C15orf40: variants seen among roughly 807,000 people sequenced by gnomAD.
C15orf40 encodes the protein chromosome 15 open reading frame 40.
Under a neutral mutation model 13.9 loss-of-function variants are expected in C15orf40, and 9 were observed. The ratio of observed to expected loss-of-function variants is 0.65; its 90% CI spans 0.39 to 1.13. The LOEUF (loss-of-function observed/expected upper bound fraction) is 1.13, where lower values mean the gene tolerates loss of function less well. Ranked by LOEUF, C15orf40 falls within the 50% of genes most tolerant of loss-of-function variation. The pLI is 0.01. For synonymous variants in C15orf40, 95 were observed against 69.2 expected, an observed-to-expected ratio of 1.37 and a Z score of -1.85; for missense variants, 225 against 188.5, an observed-to-expected ratio of 1.19 and a Z score of -1.13.
chr15:83,006,706 C>G (rs965498986), intron 3 of C15orf40, among the ~76,000 whole-genome samples: 13 of 152,198 alleles, frequency 8.5e-5, no homozygotes, highest in African/African-American at 1.2e-4. Context: ...GCGGATGTTG[C>G]AGTGAGCCGA....
rs1243219973 is a variant in C15orf40 at position 82,997,351 on chromosome 15, C to T, written c.*8246G>A. 2 of 146,394 alleles carry T rather than the reference C, an allele frequency of 1.4e-5. No individual in the cohort carries two copies. The highest frequency in any genetic ancestry group is 3.0e-5 in the Non-Finnish European group (2 of 67,064). 9.1% of individuals were successfully genotyped at this position (146,394 alleles called of 1,614,324 possible). On this transcript the variant is annotated 3_prime_UTR_variant, in exon 4 of 4. Transcript: ENST00000304177. Reference sequence around the variant, plus strand: ...TTTCCTAGGCAGAGGACCCTGCGGCCTTCCGCAGTGTTTGTGTCCCTGATT... The same window carrying T: ...TTTCCTAGGCAGAGGACCCTGCGGCTTTCCGCAGTGTTTGTGTCCCTGATT...
At chr15:82,992,059 T>C (rs988323972), downstream of C15orf40, 2 of 513,866 alleles carry the variant, frequency 3.9e-6, no homozygotes, top group Non-Finnish European at 6.8e-6. Flanking sequence ...CTACAGAAAA[T>C]TTTAAAATTA....
downstream of C15orf40, among the ~76,000 whole-genome samples, chr15:82,992,435 G>C (rs1204704702): frequency 6.6e-6 from 1 of 151,942 alleles, no homozygotes; most frequent in Non-Finnish European, 1.5e-5. Flanking sequence ...AGAATCACTT[G>C]AACCTGGGAG....
chr15:83,004,759 C>A lies in C15orf40; in HGVS notation c.*838G>T. On this transcript the variant is annotated 3_prime_UTR_variant, in exon 4 of 4. Transcript: ENST00000304177. ...AAAATTTTTTTTACATTTAAATAAG[C>A]ATTTAAAAATCTAAGGTAAGACTAC... 2 of 1,023,192 alleles carry A rather than the reference C, an allele frequency of 2.0e-6. No individual in the cohort carries two copies. Among genetic ancestry groups the A allele is most frequent in the Non-Finnish European group, 1.2e-6 (1 of 842,434 alleles). The allele number at this position is 1,023,192 out of a possible 1,614,324, so 63.4% of individuals were successfully genotyped here.
At chr15:82,990,080 C>T (rs199995569), downstream of C15orf40, 38,374 of 1,255,134 alleles carry the variant, frequency 0.031, 720 homozygotes, top group Middle Eastern at 0.04. Flanking sequence ...GAAATGTTGG[C>T]AGCTTTTAGT....
In C15orf40 at chr15:83,008,178, C is replaced by T. The variant is rs539758384; in HGVS notation, c.366+370G>A. ...CTGCACTCCAGGCTGGACAACAGAG[C>T]GAGACTCCGTCTCAAAAAAAAAAAG... On this transcript the variant is annotated intron_variant, in intron 3 of 3. Coordinates refer to ENST00000304177, the MANE Select transcript of C15orf40 (RefSeq NM_144597.3). 8.4e-4 allele frequency: 190 copies of T among 227,406 alleles called. 2 individuals are homozygous for T. The highest frequency in any genetic ancestry group is 7.5e-3 in the Middle Eastern group (4 of 532). 14.1% of individuals were successfully genotyped at this position (227,406 alleles called of 1,614,324 possible).
At chr15:82,993,601 C>G (rs1417536765), downstream of C15orf40, among the ~76,000 whole-genome samples, 3 of 152,082 alleles carry the variant, frequency 2.0e-5, no homozygotes, top group African/African-American at 4.8e-5. Flanking sequence ...CATCTGAGGT[C>G]AGGAGTTCGA....
In C15orf40 at chr15:83,008,584, G is replaced by C; in HGVS notation, c.330C>G (p.Val110=). ...NAELCRYLSK[V]LELRKSDVVL... Reference sequence around the variant, plus strand: ...CCACATCACTCTTCCTGAGTTCTAGGACCTTGGAAAGATACCGACAGAGCT... The same window carrying C: ...CCACATCACTCTTCCTGAGTTCTAGCACCTTGGAAAGATACCGACAGAGCT... Residue 110 remains valine (V), a synonymous_variant, in exon 3 of 4, where the codon GTC becomes GTG. Coordinates refer to ENST00000304177, the MANE Select transcript of C15orf40 (RefSeq NM_144597.3). 6.2e-7 allele frequency: 1 copy of C among 1,613,940 alleles called. No homozygotes were observed. Among genetic ancestry groups the C allele is most frequent in the East Asian group, 2.2e-5 (1 of 44,886 alleles).
rs557969441 is a variant in C15orf40, at chr15:83,005,601, G to A, written c.458C>T (p.Thr153Ile). 61 of 1,607,984 alleles carry A rather than the reference G, an allele frequency of 3.8e-5. No individual in the cohort carries two copies. The South Asian group carries it at 6.4e-4, about 17-fold the overall frequency. ...LEKLKKEAKK[T>I] ...GCCCGGCCTCATTTCTTGCTTTTATGTTTTTTTGGCTTCCTTTTTTAATTT... is the reference window on the plus strand; with the variant it reads ...GCCCGGCCTCATTTCTTGCTTTTATATTTTTTTGGCTTCCTTTTTTAATTT... Residue 153 changes from threonine to isoleucine, a missense_variant, in exon 4 of 4, where the codon ACA (threonine) becomes ATA (isoleucine). Physicochemically the swap from Thr to Ile is moderately conservative, Grantham distance 89 (BLOSUM62 -1). Transcript: ENST00000304177.
At chr15:82,989,995 A>G (rs2030791118), downstream of C15orf40, 2 of 1,600,120 alleles carry the variant, frequency 1.2e-6, no homozygotes, top group Non-Finnish European at 1.7e-6. Flanking sequence ...CGCAACACAG[A>G]CAAGAACCTT....
chr15:82,993,649 T>G (rs955474093), downstream of C15orf40, among the ~76,000 whole-genome samples: 1 of 152,088 alleles, frequency 6.6e-6, no homozygotes, highest in Non-Finnish European at 1.5e-5. Context: ...CCCGTCTCTA[T>G]GAAAAATACA....
At chr15:82,989,977 C>T, downstream of C15orf40, 1 of 1,604,386 alleles carries the variant, frequency 6.2e-7, no homozygotes. Context: ...CCTGGGGTAA[C>T]AACTACCCGC....
downstream of C15orf40, chr15:82,991,982 G>T: frequency 8.8e-7 from 1 of 1,137,688 alleles, no homozygotes; most frequent in Non-Finnish European, 1.2e-6. Context: ...CTGGGAGGCC[G>T]AGGCGGGAAG....
chr15:83,005,095 T>C lies in C15orf40; in HGVS notation c.*502A>G, dbSNP rs974176283. The C allele has an allele frequency of 1.7e-6, 2 of 1,145,498 alleles. No individual in the cohort carries two copies. Among genetic ancestry groups the C allele is most frequent in the African/African-American group, 1.6e-5 (1 of 61,610 alleles). The allele number at this position is 1,145,498 out of a possible 1,614,324, so 71.0% of individuals were successfully genotyped here. On this transcript the variant is annotated 3_prime_UTR_variant, in exon 4 of 4. Coordinates refer to ENST00000304177, the MANE Select transcript of C15orf40 (RefSeq NM_144597.3). ...GAAATCAGAGTAACATGTTCCAGGC[T>C]GTTTGGGGTTTGGGATTTTAGAACC... is the stretch of plus-strand genomic sequence containing the variant.
At chr15:82,994,055 C>T (rs2030959432), downstream of C15orf40, among the ~76,000 whole-genome samples, 1 of 152,038 alleles carries the variant, frequency 6.6e-6, no homozygotes, top group South Asian at 2.1e-4. Context: ...TTCTTGAAAC[C>T]ACATAGGAAA....
In C15orf40 at chr15:83,001,401, G is replaced by A; in HGVS notation, c.*4196C>T. ...AAGGTGCGGGTGATAGATGACAGAT[G>A]CAGTGCTAGAACATCATATGTCGGC... On this transcript the variant is annotated 3_prime_UTR_variant, in exon 4 of 4. Coordinates refer to ENST00000304177, the MANE Select transcript of C15orf40 (RefSeq NM_144597.3). 1.6e-6 allele frequency: 1 copy of A among 607,812 alleles called. No homozygotes were observed. The highest frequency in any genetic ancestry group is 2.1e-6 in the Non-Finnish European group (1 of 485,136). The allele number at this position is 607,812 out of a possible 1,614,324, so 37.7% of individuals were successfully genotyped here.
chr15:83,009,216 T>G (rs969132547), intron 2 of C15orf40, among the ~76,000 whole-genome samples: 2 of 152,234 alleles, frequency 1.3e-5, no homozygotes, highest in Non-Finnish European at 1.5e-5. Context: ...ATACACCAAT[T>G]TTAAGCACAC....
At chr15:83,006,637 A>T (rs2031695229) in intron 3 of C15orf40, 1 of 173,554 alleles carries the variant, frequency 5.8e-6, no homozygotes, top group Admixed American at 6.7e-5. Context: ...CTCCAATCCC[A>T]GCTACTCGGG....
chr15:83,010,475 G>A, intron 1 of C15orf40, 112 bp from the exon 2 acceptor site: 2 of 1,295,644 alleles, frequency 1.5e-6, no homozygotes, highest in Non-Finnish European at 2.2e-6. Context: ...GCTCATCAGT[G>A]GTGTCCAGGG....
Sources: allele counts gnomAD v4.1 joint callset (sites outside exome capture counted in the v4.1 genomes callset), GRCh38; gene constraint gnomAD v4.1.1; transcripts MANE v1.5; gene names NCBI Gene and HGNC (gene_info 2026-07-23, HGNC 2026-07-21).